Variants in REPS1 observed in about 807,000 individuals in gnomAD.
REPS1 encodes the protein RALBP1 associated Eps domain containing 1.
In REPS1, 39 loss-of-function variants were observed where a neutral mutation model predicts 100.9. That is an observed-to-expected ratio of 0.39 (90% CI 0.30 to 0.50). The LOEUF is 0.50. REPS1 is among the 20% of genes least tolerant of loss of function. REPS1 has a pLI of 0.86. For synonymous variants in REPS1, 324 were observed against 340.3 expected, an observed-to-expected ratio of 0.95 and a Z score of 0.53; for missense variants, 821 against 968.5, an observed-to-expected ratio of 0.85 and a Z score of 2.02.
intron 1 of REPS1, among the ~76,000 whole-genome samples, chr6:138,965,169 C>T (rs888449111): frequency 2.6e-5 from 4 of 152,080 alleles, no homozygotes; most frequent in Non-Finnish European, 5.9e-5. Context: ...TTTTACTGCT[C>T]ATAATCAGTC....
intron 10 of REPS1, among the ~76,000 whole-genome samples, chr6:138,922,160 A>G (rs559174409): frequency 9.2e-5 from 14 of 152,190 alleles, no homozygotes; most frequent in Non-Finnish European, 1.9e-4. Flanking sequence ...CTGAAAACTC[A>G]TTTTCAGTAA....
rs1782241762 is a variant in REPS1 at position 138,941,442 on chromosome 6, A to T, written c.1028T>A (p.Phe343Tyr). The T allele has an allele frequency of 1.9e-6, 3 of 1,613,936 alleles. No homozygotes were observed. The South Asian group carries it at 3.3e-5, about 18-fold the overall frequency. ...DKDGALTLDE[F>Y]CAAFHLVVAR... ...AACCACCAGATGAAAAGCAGCACAA[A>T]ACTCATCCAGTGTCAATGCACCATC... Residue 343 changes from phenylalanine (F) to tyrosine (Y), a missense_variant, in exon 8 of 20, where the codon TTT (phenylalanine) becomes TAT (tyrosine). Transcript: ENST00000450536.
intron 1 of REPS1, among the ~76,000 whole-genome samples, chr6:138,969,859 A>ATTTTTT (rs56070030): frequency 0.097 from 9,123 of 94,432 alleles, 1,014 homozygotes; most frequent in East Asian, 0.23. Context: ...GTGAATTGGG[A>ATTTTTT]TTTTTTTTTT....
chr6:138,979,181 A>AC (rs1292237468), intron 1 of REPS1, among the ~76,000 whole-genome samples: 2 of 48,602 alleles, frequency 4.1e-5, no homozygotes, highest in African/African-American at 8.6e-5. Context: ...AATCCATCAC[A>AC]AAAAAAAAAA....
At chr6:138,936,619 G>GT (rs1168099859) in intron 8 of REPS1, among the ~76,000 whole-genome samples, 1 of 96,900 alleles carries the variant, frequency 1.0e-5, no homozygotes, top group African/African-American at 4.4e-5. Flanking sequence ...GACAGAGTAT[G>GT]TTTGGGGGGG....
chr6:138,950,811 CT>C (rs1782966438), intron 1 of REPS1, among the ~76,000 whole-genome samples: 1 of 152,166 alleles, frequency 6.6e-6, no homozygotes, highest in East Asian at 1.9e-4. Flanking sequence ...GATTTATGGT[CT>C]TGTTCCAAAC....
At chr6:138,939,794 C>T (rs1194048570) in intron 8 of REPS1, among the ~76,000 whole-genome samples, 1 of 152,156 alleles carries the variant, frequency 6.6e-6, no homozygotes, top group African/African-American at 2.4e-5. Context: ...AATTAAAGTA[C>T]TTTGAATCAA....
intron 10 of REPS1, among the ~76,000 whole-genome samples, chr6:138,923,301 TA>T (rs1780900830): frequency 6.6e-6 from 1 of 152,164 alleles, no homozygotes; most frequent in Non-Finnish European, 1.5e-5. Context: ...TTTACCTTTA[TA>T]AGGCAAGATC....
chr6:138,944,658 T>C (rs2128474751), intron 4 of REPS1, 36 bp from the exon 5 acceptor site: 1 of 1,580,702 alleles, frequency 6.3e-7, no homozygotes, highest in Admixed American at 1.9e-5. Context: ...TGACTCATGT[T>C]TGAGGAAAAA....
intron 4 of REPS1, 71 bp downstream of exon 4, chr6:138,945,148 C>A: frequency 7.4e-7 from 1 of 1,343,446 alleles, no homozygotes; most frequent in South Asian, 1.6e-5. Flanking sequence ...GCAGGAGGAT[C>A]ATTTGAACCC....
At chr6:138,986,942 C>T (rs561533447) in intron 1 of REPS1, among the ~76,000 whole-genome samples, 4 of 152,304 alleles carry the variant, frequency 2.6e-5, no homozygotes, top group Non-Finnish European at 4.4e-5. Context: ...AAACATTGTT[C>T]AGTCTCATCA....
At position 138,954,341 on chromosome 6, in the gene REPS1, G is replaced by A. The variant is rs112955900; in HGVS notation, c.154-6428C>T. 8.2e-3 allele frequency among the ~76,000 whole-genome samples: 1,250 copies of A among 152,092 alleles called. 5 individuals carry two copies. The highest frequency in any genetic ancestry group is 0.012 in the Non-Finnish European group (843 of 67,972). On this transcript the variant is annotated intron_variant, in intron 1 of 19. Transcript: ENST00000450536. ...CTGAATGCTCCTAACACAAAGAAAT[G>A]ATAAAATGTTTGAGATGATGGATAT...
chr6:138,959,472 T>TTAATA (rs10679258), intron 1 of REPS1, among the ~76,000 whole-genome samples: 97,201 of 151,648 alleles, frequency 0.64, 33,154 homozygotes, highest in African/African-American at 0.88. Flanking sequence ...ATGAATGAGT[T>TTAATA]TAATAAAATG....
At chr6:138,922,296 T>C (rs1317672614) in intron 10 of REPS1, among the ~76,000 whole-genome samples, 1 of 152,190 alleles carries the variant, frequency 6.6e-6, no homozygotes, top group Non-Finnish European at 1.5e-5. Flanking sequence ...TAAATTTGAT[T>C]GTCTCAAAAT....
chr6:138,965,085 T>C (rs1783940837), intron 1 of REPS1, among the ~76,000 whole-genome samples: 1 of 152,168 alleles, frequency 6.6e-6, no homozygotes, highest in Admixed American at 6.5e-5. Context: ...TAGCTATAAA[T>C]TCTTGCTTTA....
At chr6:138,926,325 A>G in intron 10 of REPS1, 76 bp downstream of exon 10, 1 of 1,074,138 alleles carries the variant, frequency 9.3e-7, no homozygotes, top group Non-Finnish European at 1.4e-6. Context: ...CATGCATATC[A>G]GCTAAAAACG....
chr6:138,975,938 A>C (rs1379090635), intron 1 of REPS1, among the ~76,000 whole-genome samples: 1 of 152,244 alleles, frequency 6.6e-6, no homozygotes, highest in Non-Finnish European at 1.5e-5. Flanking sequence ...AGAAGTTAAT[A>C]AGCACTAACT....
At chr6:138,930,231 A>G (rs369007695) in intron 8 of REPS1, 133 bp from the exon 9 acceptor site, 3 of 670,230 alleles carry the variant, frequency 4.5e-6, no homozygotes, top group East Asian at 5.6e-5. Flanking sequence ...TCCTTTCCTC[A>G]TGTTCTCAGA....
intron 18 of REPS1, among the ~76,000 whole-genome samples, chr6:138,907,845 TAA>T (rs1261383975): frequency 2.0e-5 from 3 of 152,064 alleles, no homozygotes; most frequent in African/African-American, 4.8e-5. Flanking sequence ...TGAATTTAAG[TAA>T]AAGAGTCTAA....
Sources: allele counts gnomAD v4.1 joint callset (sites outside exome capture counted in the v4.1 genomes callset), GRCh38; gene constraint gnomAD v4.1.1; transcripts MANE v1.5; gene names NCBI Gene and HGNC (gene_info 2026-07-23, HGNC 2026-07-21).